The following NCKAP5 variants were observed in gnomAD, a reference collection of about 807,000 sequenced individuals.
The protein encoded by NCKAP5 is NCK associated protein 5.
In NCKAP5, 92 loss-of-function variants were observed where a neutral mutation model predicts 167.0. That is an observed-to-expected ratio of 0.55 (90% CI 0.47 to 0.66). The LOEUF (loss-of-function observed/expected upper bound fraction) is 0.66. Ranked by LOEUF, NCKAP5 falls within the 30% of genes least tolerant of loss-of-function variation. NCKAP5 has a pLI of 0.00. For synonymous variants in NCKAP5, 891 were observed against 877.4 expected, an observed-to-expected ratio of 1.02 and a Z score of -0.27; for missense variants, 2,378 against 2,315.0, an observed-to-expected ratio of 1.03 and a Z score of -0.56.
chr2:132,790,519 C>T (rs1465410223), intron 12 of NCKAP5, among the ~76,000 whole-genome samples: 1 of 152,106 alleles, frequency 6.6e-6, no homozygotes, highest in Non-Finnish European at 1.5e-5. Context: ...TGAAAATGAA[C>T]ATCAGAATGG....
chr2:133,108,203 T>C (rs16848081), intron 6 of NCKAP5, among the ~76,000 whole-genome samples: 23,986 of 152,066 alleles, frequency 0.16, 2,366 homozygotes, highest in East Asian at 0.51. Context: ...CAGAGAAGCC[T>C]GAATATTGTG....
chr2:133,663,932 A>G, the NCKAP5 span, among the ~76,000 whole-genome samples: 5 of 152,224 alleles, frequency 3.3e-5, no homozygotes, highest in Non-Finnish European at 5.9e-5. Flanking sequence ...TACTTTGCCC[A>G]GATCCATCAC....
chr2:133,229,430 C>T (rs774076141), intron 4 of NCKAP5, among the ~76,000 whole-genome samples: 3 of 152,096 alleles, frequency 2.0e-5, no homozygotes, highest in Non-Finnish European at 2.9e-5. Context: ...CCATCGTGCC[C>T]GAAGGCAGAT....
intron 6 of NCKAP5, among the ~76,000 whole-genome samples, chr2:133,054,115 G>A (rs2079705640): frequency 6.6e-6 from 1 of 152,160 alleles, no homozygotes; most frequent in Admixed American, 6.6e-5. Flanking sequence ...AAGGCTAAAA[G>A]TATCTAAGCT....
At chr2:132,992,837 T>C (rs939618361) in intron 7 of NCKAP5, among the ~76,000 whole-genome samples, 4 of 152,174 alleles carry the variant, frequency 2.6e-5, no homozygotes, top group African/African-American at 9.6e-5. Context: ...TAATTTCTTC[T>C]GAGGTAGCTT....
At chr2:133,585,383 T>A in the NCKAP5 span, among the ~76,000 whole-genome samples, 1 of 152,248 alleles carries the variant, frequency 6.6e-6, no homozygotes, top group Non-Finnish European at 1.5e-5. Flanking sequence ...ACACAGTCAC[T>A]TAATGACACA....
intron 4 of NCKAP5, among the ~76,000 whole-genome samples, chr2:133,272,414 T>G (rs1437382093): frequency 6.6e-6 from 1 of 152,142 alleles, no homozygotes; most frequent in Non-Finnish European, 1.5e-5. Context: ...AAAATAGGAC[T>G]ACTTTACTAT....
chr2:132,748,580 C>A, intron 16 of NCKAP5, among the ~76,000 whole-genome samples: 1 of 152,160 alleles, frequency 6.6e-6, no homozygotes, highest in East Asian at 1.9e-4. Flanking sequence ...GAATTCAAAG[C>A]CAGGTCTTCT....
At chr2:132,758,103 A>G (rs1385230891) in intron 16 of NCKAP5, among the ~76,000 whole-genome samples, 1 of 152,078 alleles carries the variant, frequency 6.6e-6, no homozygotes, top group Non-Finnish European at 1.5e-5. Context: ...GGCATGGGAG[A>G]TAGATTTGAG....
chr2:133,026,925 C>T (rs1292311554), intron 6 of NCKAP5, among the ~76,000 whole-genome samples: 1 of 152,194 alleles, frequency 6.6e-6, no homozygotes, highest in Non-Finnish European at 1.5e-5. Context: ...TAGCCTGTCT[C>T]TTCTGTCCTG....
intron 3 of NCKAP5, among the ~76,000 whole-genome samples, chr2:133,426,785 A>G (rs904337165): frequency 1.2e-4 from 19 of 152,224 alleles, no homozygotes; most frequent in African/African-American, 2.4e-4. Flanking sequence ...TAAGATGTTA[A>G]TAATAGGAGA....
At chr2:133,177,704 C>T (rs1239286482) in intron 5 of NCKAP5, among the ~76,000 whole-genome samples, 1 of 152,186 alleles carries the variant, frequency 6.6e-6, no homozygotes, top group Non-Finnish European at 1.5e-5. Context: ...CCCAACAACA[C>T]CCATGGGAGT....
intron 15 of NCKAP5, among the ~76,000 whole-genome samples, chr2:132,777,444 C>A (rs1428068030): frequency 2.0e-5 from 3 of 152,086 alleles, no homozygotes; most frequent in Non-Finnish European, 4.4e-5. Context: ...AATTTGAGAA[C>A]ATCCTTCATT....
At chr2:133,242,249 C>CTTTTTTTTTTTTTTTTT (rs764246319) in intron 4 of NCKAP5, among the ~76,000 whole-genome samples, 2 of 140,218 alleles carry the variant, frequency 1.4e-5, no homozygotes, top group Admixed American at 6.9e-5. Context: ...TTTTTCTTTT[C>CTTTTTTTTTTTTTTTTT]TTTTCTTTTC....
intron 3 of NCKAP5, among the ~76,000 whole-genome samples, chr2:133,422,278 C>G (rs1689527997): frequency 6.6e-6 from 1 of 152,236 alleles, no homozygotes; most frequent in Admixed American, 6.5e-5. Flanking sequence ...CTCTATGTTC[C>G]TACAGATGAA....
intron 4 of NCKAP5, among the ~76,000 whole-genome samples, chr2:133,235,211 T>C (rs1269553422): frequency 1.3e-5 from 2 of 152,052 alleles, no homozygotes; most frequent in Non-Finnish European, 2.9e-5. Context: ...CCAAGATCAA[T>C]ACTCATGATG....
At position 132,783,759 on chromosome 2, in the gene NCKAP5, T is replaced by C. The variant is rs550104302; in HGVS notation, c.3052A>G (p.Thr1018Ala). The change falls in exon 14 of 20, where the codon ACC (threonine) becomes GCC (alanine). Residue 1018 changes from threonine to alanine, a missense_variant. Around this residue, in one of 3 missense-constraint regions of NCKAP5, gnomAD observed 1,325 missense variants for 1,274.5 expected, o/e 1.04. Coordinates refer to ENST00000409261, the MANE Select transcript of NCKAP5 (RefSeq NM_207363.3). ...GAGGGGGCATGAGCAGGGCATCGGG[T>C]TTGAATGACTGCTTCTGGGGAGGGC... The part of the protein sequence containing the change: ...PMPSPEAVIQ[T>A]RCPAHAPSSS... The C allele has an allele frequency of 6.3e-7, 1 of 1,590,422 alleles. No individual in the cohort carries two copies. Among genetic ancestry groups the C allele is most frequent in the African/African-American group, 1.4e-5 (1 of 74,000 alleles).
chr2:132,914,059 A>C (rs1035240750), intron 8 of NCKAP5, among the ~76,000 whole-genome samples: 1 of 152,160 alleles, frequency 6.6e-6, no homozygotes, highest in Non-Finnish European at 1.5e-5. Context: ...TAAGCATAAG[A>C]GCCTTAATTG....
At chr2:133,020,152 T>C (rs2078476176) in intron 6 of NCKAP5, among the ~76,000 whole-genome samples, 1 of 152,272 alleles carries the variant, frequency 6.6e-6, no homozygotes, top group African/African-American at 2.4e-5. Flanking sequence ...CTGTAGACAT[T>C]GGAGCCACCA....
Sources: allele counts gnomAD v4.1 joint callset (sites outside exome capture counted in the v4.1 genomes callset), GRCh38; gene constraint gnomAD v4.1.1; regional missense constraint gnomAD v4.1.1; transcripts MANE v1.5; gene names NCBI Gene and HGNC (gene_info 2026-07-23, HGNC 2026-07-21).